TUSC3: variants seen among roughly 807,000 people sequenced by gnomAD.
TUSC3 encodes tumor suppressor candidate 3.
A neutral mutation model predicts 44.8 loss-of-function variants in TUSC3; 45 were observed. The observed-to-expected ratio is 1.00, with a 90% confidence interval of 0.79 to 1.29. The LOEUF (loss-of-function observed/expected upper bound fraction) is 1.29, where lower values mean the gene tolerates loss of function less well. Ranked by LOEUF, TUSC3 falls within the 50% of genes most tolerant of loss-of-function variation. The pLI is 0.00. For synonymous variants in TUSC3, 212 were observed against 152.9 expected, an observed-to-expected ratio of 1.39 and a Z score of -2.85; for missense variants, 519 against 437.9, an observed-to-expected ratio of 1.19 and a Z score of -1.65.
At chr8:15,672,182 G>A (rs1048681108) in intron 5 of TUSC3, among the ~76,000 whole-genome samples, 6 of 152,000 alleles carry the variant, frequency 3.9e-5, no homozygotes, top group Non-Finnish European at 7.4e-5. Flanking sequence ...AGGACATGGA[G>A]CTATTTAAGG....
intron 2 of TUSC3, among the ~76,000 whole-genome samples, chr8:15,494,428 C>T (rs146205457): frequency 0.038 from 5,777 of 151,664 alleles, 371 homozygotes; most frequent in African/African-American, 0.13. Context: ...AGTGATTCTG[C>T]TGCCTCAGCC....
At chr8:15,789,692 A>C in the TUSC3 span, among the ~76,000 whole-genome samples, 3 of 152,208 alleles carry the variant, frequency 2.0e-5, no homozygotes, top group Non-Finnish European at 4.4e-5. Context: ...AACAAAACTT[A>C]AAAGATGTAT....
chr8:15,422,168 A>G (rs1231375206), intron 1 of TUSC3, among the ~76,000 whole-genome samples: 1 of 152,224 alleles, frequency 6.6e-6, no homozygotes, highest in Non-Finnish European at 1.5e-5. Flanking sequence ...TGAAAAGTTT[A>G]CAGATACTAT....
chr8:15,514,619 T>C (rs531588758), intron 2 of TUSC3, among the ~76,000 whole-genome samples: 1 of 152,352 alleles, frequency 6.6e-6, no homozygotes, highest in East Asian at 1.9e-4. Flanking sequence ...TGTGTTGTTT[T>C]GGTTTGGCTT....
At chr8:15,593,338 G>A (rs548247122) in intron 1 of TUSC3, among the ~76,000 whole-genome samples, 222 of 152,050 alleles carry the variant, frequency 1.5e-3, no homozygotes, top group African/African-American at 5.0e-3. Context: ...CGCCCGCTTC[G>A]GCCTCCCAAA....
intron 1 of TUSC3, among the ~76,000 whole-genome samples, chr8:15,468,334 C>T (rs1800441052): frequency 6.6e-6 from 1 of 152,156 alleles, no homozygotes; most frequent in Admixed American, 6.6e-5. Flanking sequence ...CAAGAGTGTT[C>T]ATTTCACTAC....
chr8:15,521,201 T>C (rs1801292893), intron 2 of TUSC3, among the ~76,000 whole-genome samples: 1 of 152,290 alleles, frequency 6.6e-6, no homozygotes, highest in African/African-American at 2.4e-5. Flanking sequence ...AATGGAACTG[T>C]TTTCCTTGGT....
chr8:15,658,284 A>G (rs2129178493), intron 3 of TUSC3, among the ~76,000 whole-genome samples: 1 of 152,236 alleles, frequency 6.6e-6, no homozygotes, highest in East Asian at 1.9e-4. Context: ...TTGGGTATTC[A>G]GCTTGTTTGT....
chr8:15,717,596 A>G (rs1810106167), intron 6 of TUSC3, among the ~76,000 whole-genome samples: 1 of 152,038 alleles, frequency 6.6e-6, no homozygotes, highest in South Asian at 2.1e-4. Context: ...TCTCAATATA[A>G]TCTACATTAA....
intron 1 of TUSC3, among the ~76,000 whole-genome samples, chr8:15,547,226 C>G (rs987921519): frequency 1.7e-4 from 25 of 151,412 alleles, no homozygotes; most frequent in African/African-American, 3.9e-4. Context: ...AGTTGTAGCA[C>G]TGATTTTATT....
chr8:15,423,207 G>T (rs964851845), intron 1 of TUSC3, among the ~76,000 whole-genome samples: 3 of 152,054 alleles, frequency 2.0e-5, no homozygotes, highest in Non-Finnish European at 4.4e-5. Context: ...GTGCATACAT[G>T]GTACAGACAC....
the TUSC3 span, among the ~76,000 whole-genome samples, chr8:15,832,267 C>T: frequency 6.6e-6 from 1 of 152,110 alleles, no homozygotes; most frequent in Admixed American, 6.5e-5. Context: ...CCCACAAGAC[C>T]CACCTTACCC....
At chr8:15,641,029 T>C (rs1585182974) in intron 2 of TUSC3, among the ~76,000 whole-genome samples, 1 of 151,132 alleles carries the variant, frequency 6.6e-6, no homozygotes, top group East Asian at 1.9e-4. Flanking sequence ...GAGTGTGTTA[T>C]ATGTATTGTG....
intron 10 of TUSC3, among the ~76,000 whole-genome samples, chr8:15,762,260 T>G (rs1236026911): frequency 6.6e-6 from 1 of 151,978 alleles, no homozygotes; most frequent in Non-Finnish European, 1.5e-5. Context: ...GATAGAAGCA[T>G]AGGAAGTACT....
At chr8:15,502,727 G>A (rs982223053) in intron 2 of TUSC3, among the ~76,000 whole-genome samples, 2 of 152,140 alleles carry the variant, frequency 1.3e-5, no homozygotes, top group African/African-American at 4.8e-5. Flanking sequence ...TCCTGACCTC[G>A]TGATCCCCCT....
chr8:15,566,401 G>C (rs1666609090), intron 1 of TUSC3, among the ~76,000 whole-genome samples: 1 of 152,018 alleles, frequency 6.6e-6, no homozygotes, highest in African/African-American at 2.4e-5. Flanking sequence ...ATTCCTCATA[G>C]GATTATTTTG....
chr8:15,745,784 C>G (rs1811389627), intron 8 of TUSC3, among the ~76,000 whole-genome samples: 1 of 151,828 alleles, frequency 6.6e-6, no homozygotes, highest in Non-Finnish European at 1.5e-5. Flanking sequence ...TGCAGAGGCT[C>G]ATTAATCAGT....
chr8:15,729,104 T>C (rs1420387023), intron 6 of TUSC3, among the ~76,000 whole-genome samples: 2 of 152,180 alleles, frequency 1.3e-5, no homozygotes, highest in African/African-American at 4.8e-5. Context: ...ACGTCTGAAG[T>C]TATTCTCTAA....
chr8:15,700,894 GCC>G (rs1399971380), intron 6 of TUSC3, among the ~76,000 whole-genome samples: 4 of 118,592 alleles, frequency 3.4e-5, no homozygotes, highest in African/African-American at 1.3e-4. Flanking sequence ...TTTCTGGGTT[GCC>G]CACTTCTCCA....
Sources: gnomAD v4.1 joint callset for allele counts (sites outside exome capture counted in the v4.1 genomes callset) on GRCh38, gnomAD v4.1.1 for gene constraint, MANE v1.5 for transcripts, NCBI Gene and HGNC (gene_info 2026-07-23, HGNC 2026-07-21) for gene names.